The following TRPM3 variants were observed in gnomAD, a reference collection of about 807,000 sequenced individuals.
TRPM3 encodes the protein transient receptor potential cation channel subfamily M member 3.
In TRPM3, 77 loss-of-function variants were observed where a neutral mutation model predicts 181.2. The ratio of observed to expected loss-of-function variants is 0.42; its 90% CI spans 0.35 to 0.51. TRPM3 has a LOEUF of 0.51. Among genes scored for constraint, TRPM3 ranks in the 20% least tolerant of loss-of-function variants. TRPM3 has a pLI of 0.01. For missense variants in TRPM3, 1,759 were observed against 2,196.7 expected, an observed-to-expected ratio of 0.80 and a Z score of 3.98; for synonymous variants, 745 against 796.4, an observed-to-expected ratio of 0.94 and a Z score of 1.09.
intron 1 of TRPM3, among the ~76,000 whole-genome samples, chr9:70,962,132 C>A (rs1204886698): frequency 1.3e-5 from 2 of 152,076 alleles, no homozygotes; most frequent in Non-Finnish European, 2.9e-5. Context: ...ACAAAATGGA[C>A]TGATTTAGCC....
At chr9:70,782,014 A>G (rs902090174) in intron 7 of TRPM3, among the ~76,000 whole-genome samples, 32 of 152,192 alleles carry the variant, frequency 2.1e-4, no homozygotes, top group Admixed American at 1.9e-3. Context: ...AAACAAAAAA[A>G]CCCAGAAAAA....
chr9:71,307,379 A>T (rs996269380), intron 1 of TRPM3, among the ~76,000 whole-genome samples: 1 of 152,142 alleles, frequency 6.6e-6, no homozygotes, highest in African/African-American at 2.4e-5. Flanking sequence ...TATTAAATTT[A>T]GAATTTTTTC....
At chr9:71,405,620 ACT>A (rs1396229811) in intron 1 of TRPM3, among the ~76,000 whole-genome samples, 1 of 151,982 alleles carries the variant, frequency 6.6e-6, no homozygotes, top group South Asian at 2.1e-4. Flanking sequence ...TCCTGTTGAA[ACT>A]CTGTTTGCTT....
intron 1 of TRPM3, among the ~76,000 whole-genome samples, chr9:71,161,724 T>C (rs2076281545): frequency 6.6e-6 from 1 of 152,158 alleles, no homozygotes. Context: ...AATGGGATTA[T>C]TTTTAAAAAG....
chr9:70,667,664 C>T (rs1434889162), intron 9 of TRPM3, among the ~76,000 whole-genome samples: 1 of 152,194 alleles, frequency 6.6e-6, no homozygotes, highest in African/African-American at 2.4e-5. Flanking sequence ...TATATTTTCT[C>T]TCTCTTCACT....
chr9:71,406,443 T>C (rs1344505803), intron 1 of TRPM3, among the ~76,000 whole-genome samples: 1 of 152,194 alleles, frequency 6.6e-6, no homozygotes. Context: ...TAGATAAGTG[T>C]TGCCAATCTC....
intron 1 of TRPM3, among the ~76,000 whole-genome samples, chr9:71,332,770 A>G (rs919803785): frequency 6.6e-6 from 1 of 151,648 alleles, no homozygotes; most frequent in Non-Finnish European, 1.5e-5. Context: ...TTAACAACAC[A>G]TTTAGAAAAA....
intron 1 of TRPM3, among the ~76,000 whole-genome samples, chr9:71,215,306 A>G (rs575193436): frequency 6.6e-6 from 1 of 152,326 alleles, no homozygotes; most frequent in East Asian, 1.9e-4. Flanking sequence ...AAACATGCAA[A>G]TAAGCCAACT....
At chr9:71,288,837 C>T (rs959619947) in intron 1 of TRPM3, among the ~76,000 whole-genome samples, 2 of 152,022 alleles carry the variant, frequency 1.3e-5, no homozygotes, top group African/African-American at 2.4e-5. Context: ...AAACTGGAAG[C>T]TCCCAATGGT....
chr9:71,305,836 C>A lies in TRPM3; in HGVS notation c.183+140817G>T, dbSNP rs1017331290. On this transcript the variant is annotated intron_variant, in intron 1 of 24. Coordinates refer to the TRPM3 transcript ENST00000357533. ...CCTGTTCTTTACCGCCATATCTGCT[C>A]GTTACTAGGAATTACCTTATATTTG... 3.3e-5 allele frequency among the ~76,000 whole-genome samples: 5 copies of A among 152,098 alleles called. No homozygotes were observed. The South Asian group carries it at 1.0e-3, about 32-fold the overall frequency.
At chr9:71,313,742 C>T (rs1406591767) in intron 1 of TRPM3, among the ~76,000 whole-genome samples, 2 of 152,122 alleles carry the variant, frequency 1.3e-5, no homozygotes, top group Non-Finnish European at 2.9e-5. Flanking sequence ...GAAATCCCAT[C>T]TGACCTGAAG....
chr9:71,073,928 T>C (rs999498328), intron 1 of TRPM3, among the ~76,000 whole-genome samples: 1 of 152,240 alleles, frequency 6.6e-6, no homozygotes, highest in South Asian at 2.1e-4. Flanking sequence ...AAGGATATAC[T>C]TCTATCATAT....
chr9:70,983,260 C>T (rs2097382696), intron 1 of TRPM3, among the ~76,000 whole-genome samples: 1 of 152,112 alleles, frequency 6.6e-6, no homozygotes, highest in African/African-American at 2.4e-5. Context: ...TAGGTTGATG[C>T]TGCTCTTCCA....
In TRPM3 at chr9:71,121,381, T is replaced by C. The variant is rs2134390846; in HGVS notation, c.-27A>G. ...CCATGGTCATCTCCACACCTGCAAA[T>C]TCCATTAGGGCAGAGGCTTCCTGGA... On this transcript the variant is annotated 5_prime_UTR_variant, in exon 1 of 26. Coordinates refer to ENST00000677713, the MANE Select transcript of TRPM3 (RefSeq NM_001366145.2). 3 of 1,610,176 alleles carry C rather than the reference T, an allele frequency of 1.9e-6. No homozygotes were observed. The highest frequency in any genetic ancestry group is 3.6e-4 in the Middle Eastern group (2 of 5,480).
At chr9:70,566,170 C>T (rs1331777747) in intron 22 of TRPM3, among the ~76,000 whole-genome samples, 1 of 152,042 alleles carries the variant, frequency 6.6e-6, no homozygotes, top group Non-Finnish European at 1.5e-5. Context: ...GTGATAAATG[C>T]TGTGGGAGAA....
intron 1 of TRPM3, among the ~76,000 whole-genome samples, chr9:71,139,813 T>C (rs2074990098): frequency 6.6e-6 from 1 of 152,186 alleles, no homozygotes; most frequent in Non-Finnish European, 1.5e-5. Flanking sequence ...TTCTTACTTG[T>C]GCTTCTGCTA....
rs561875967 is a variant in TRPM3 at position 70,766,300 on chromosome 9, G to T, written c.1149-4576C>A. On this transcript the variant is annotated intron_variant, in intron 7 of 25. Coordinates refer to ENST00000677713, the MANE Select transcript of TRPM3 (RefSeq NM_001366145.2). ...CCCACACATACAAATATATTTCTCA[G>T]AATGAATTTAATTACCTGCAAATTA... 7.4e-4 allele frequency among the ~76,000 whole-genome samples: 112 copies of T among 152,142 alleles called. 1 individual carries two copies. Among genetic ancestry groups the T allele is most frequent in the African/African-American group, 2.6e-3 (107 of 41,486 alleles).
At chr9:71,172,868 A>G (rs1435978717) in intron 1 of TRPM3, among the ~76,000 whole-genome samples, 2 of 152,226 alleles carry the variant, frequency 1.3e-5, no homozygotes, top group Non-Finnish European at 2.9e-5. Flanking sequence ...CAAGGACATC[A>G]CACATTGAAA....
chr9:71,259,334 G>T (rs555199809), intron 1 of TRPM3, among the ~76,000 whole-genome samples: 1 of 152,252 alleles, frequency 6.6e-6, no homozygotes, highest in African/African-American at 2.4e-5. Context: ...TTGCTATTAT[G>T]AATAGTGCTT....
Sources: allele counts gnomAD v4.1 joint callset (sites outside exome capture counted in the v4.1 genomes callset), GRCh38; gene constraint gnomAD v4.1.1; transcripts MANE v1.5; gene names NCBI Gene and HGNC (gene_info 2026-07-23, HGNC 2026-07-21).